Variants in NBEA observed in about 807,000 individuals in gnomAD.
NBEA encodes neurobeachin, also known as lysosomal-trafficking regulator 2.
A neutral mutation model predicts 343.4 loss-of-function variants in NBEA; 44 were observed. That is an observed-to-expected ratio of 0.13 (90% confidence interval 0.10 to 0.16). The LOEUF (loss-of-function observed/expected upper bound fraction) is 0.16. NBEA is among the 10% of genes least tolerant of loss of function. NBEA has a pLI of 1.00. For synonymous variants in NBEA, 1,175 were observed against 1,238.7 expected (o/e 0.95, Z 1.08); for missense variants, 2,555 against 3,631.3 (o/e 0.70, Z 7.62).
At chr13:35,182,707 A>G (rs541873561) in intron 29 of NBEA, among the ~76,000 whole-genome samples, 179 bp downstream of exon 29, 2 of 152,048 alleles carry the variant, frequency 1.3e-5, no homozygotes, top group East Asian at 1.9e-4. Flanking sequence ...TGGTATTTTT[A>G]TATAGTTGCT....
intron 38 of NBEA, among the ~76,000 whole-genome samples, chr13:35,396,601 A>G (rs1434933831): frequency 3.9e-5 from 6 of 152,204 alleles, no homozygotes; most frequent in African/African-American, 9.6e-5. Context: ...ACCTTGCGCC[A>G]TTGCTAGGGA....
intron 40 of NBEA, among the ~76,000 whole-genome samples, chr13:35,452,923 G>A (rs981651320): frequency 1.3e-5 from 2 of 152,112 alleles, no homozygotes; most frequent in African/African-American, 4.8e-5. Flanking sequence ...ATGTCATAGT[G>A]GTCACTGACC....
Position 35,159,149 on chromosome 13 carries a change from G to A in NBEA, c.2978G>A (p.Gly993Glu). Residue 993 changes from glycine (G) to glutamate (E), a missense_variant, in exon 22 of 59, where the codon GGA becomes GAA. Around this residue, in one of 21 missense-constraint regions of NBEA, gnomAD observed 367 missense variants for 377.5 expected, o/e 0.97. Transcript: ENST00000379939. ...TISGLSSQTT[G>E]AKGGMEIREI... ...TCTGGTCTTTCATCACAGACAACAG[G>A]AGCAAAAGGTGGAATGGAAATTCGA... is the stretch of plus-strand genomic sequence containing the variant. 1.2e-6 allele frequency: 2 copies of A among 1,613,500 alleles called. No individual in the cohort carries two copies. The highest frequency in any genetic ancestry group is 1.7e-6 in the Non-Finnish European group (2 of 1,179,602).
chr13:35,476,591 T>A (rs2075884037), intron 41 of NBEA: 1 of 536,266 alleles, frequency 1.9e-6, no homozygotes, highest in African/African-American at 1.9e-5. Context: ...TCATTGTGTG[T>A]GCAGCACTGT....
intron 38 of NBEA, among the ~76,000 whole-genome samples, chr13:35,403,027 AT>A (rs1475617161): frequency 5.3e-5 from 8 of 152,090 alleles, no homozygotes; most frequent in African/African-American, 1.9e-4. Context: ...GACATACATG[AT>A]TTTGTTAAAA....
At chr13:35,499,413 G>C (rs570041299) in intron 41 of NBEA, among the ~76,000 whole-genome samples, 47 of 152,184 alleles carry the variant, frequency 3.1e-4, no homozygotes, top group African/African-American at 1.1e-3. Flanking sequence ...TTGGCTTGGA[G>C]TCCGTGTTGA....
At chr13:35,636,597 C>G (rs144495422) in intron 49 of NBEA, among the ~76,000 whole-genome samples, 21 of 152,312 alleles carry the variant, frequency 1.4e-4, no homozygotes, top group African/African-American at 5.1e-4. Context: ...CGTTCCTGCT[C>G]CTACACCACC....
chr13:35,205,611 G>T (rs2073337784), intron 31 of NBEA, among the ~76,000 whole-genome samples: 1 of 151,916 alleles, frequency 6.6e-6, no homozygotes, highest in African/African-American at 2.4e-5. Context: ...GAAATATAGT[G>T]CCTAAAACTA....
At chr13:35,600,438 A>T (rs74042804) in intron 47 of NBEA, among the ~76,000 whole-genome samples, 289 of 152,258 alleles carry the variant, frequency 1.9e-3, no homozygotes, top group African/African-American at 6.8e-3. Context: ...ATAGCTATTC[A>T]TTGAAACACA....
At chr13:35,223,934 G>T (rs1036924001) in intron 33 of NBEA, among the ~76,000 whole-genome samples, 1 of 152,080 alleles carries the variant, frequency 6.6e-6, no homozygotes, top group African/African-American at 2.4e-5. Flanking sequence ...GGCTCACTCA[G>T]GTTATTAGCA....
chr13:35,488,823 T>G (rs551455532), intron 41 of NBEA, among the ~76,000 whole-genome samples: 1 of 151,934 alleles, frequency 6.6e-6, no homozygotes, highest in South Asian at 2.1e-4. Context: ...TATCACAGAG[T>G]GAACTGGTGA....
chr13:35,027,794 A>G (rs1263437480), intron 1 of NBEA, among the ~76,000 whole-genome samples: 4 of 151,932 alleles, frequency 2.6e-5, no homozygotes, highest in Admixed American at 6.6e-5. Flanking sequence ...GTTATCTTCT[A>G]AAAGTTTTAT....
intron 44 of NBEA, among the ~76,000 whole-genome samples, chr13:35,557,636 A>G (rs2079638541): frequency 6.6e-6 from 1 of 152,184 alleles, no homozygotes; most frequent in Non-Finnish European, 1.5e-5. Flanking sequence ...ATGACTAAAC[A>G]TGAAAGCCTG....
chr13:35,394,183 A>G (rs143246985), intron 38 of NBEA, among the ~76,000 whole-genome samples: 129 of 152,294 alleles, frequency 8.5e-4, no homozygotes, highest in Non-Finnish European at 1.6e-3. Context: ...GGATTAGCCT[A>G]TCTGCACCAC....
At chr13:35,435,812 A>G (rs1291935296) in intron 39 of NBEA, among the ~76,000 whole-genome samples, 5 of 152,192 alleles carry the variant, frequency 3.3e-5, no homozygotes, top group Non-Finnish European at 4.4e-5. Context: ...AATAAAAAGA[A>G]TCTCATATAC....
At chr13:35,028,337 C>T (rs1224386411) in intron 1 of NBEA, among the ~76,000 whole-genome samples, 2 of 151,770 alleles carry the variant, frequency 1.3e-5, no homozygotes, top group African/African-American at 2.4e-5. Flanking sequence ...TGATTTCTTT[C>T]ATCAGTGATT....
chr13:35,258,024 T>C (rs2032816564), intron 34 of NBEA, among the ~76,000 whole-genome samples: 1 of 152,118 alleles, frequency 6.6e-6, no homozygotes, highest in African/African-American at 2.4e-5. Context: ...TGTAATGAAC[T>C]TTACATATAA....
At chr13:35,149,347 A>C (rs954157939) in intron 18 of NBEA, among the ~76,000 whole-genome samples, 1 of 152,108 alleles carries the variant, frequency 6.6e-6, no homozygotes, top group African/African-American at 2.4e-5. Flanking sequence ...TAAATTCTTT[A>C]TGTACATTGT....
intron 33 of NBEA, among the ~76,000 whole-genome samples, chr13:35,227,868 A>G (rs1419468232): frequency 6.6e-6 from 1 of 152,044 alleles, no homozygotes; most frequent in Non-Finnish European, 1.5e-5. Context: ...ATATTTTTCT[A>G]GAATTCTAAA....
Sources: allele counts gnomAD v4.1 joint callset (sites outside exome capture counted in the v4.1 genomes callset), GRCh38; gene constraint gnomAD v4.1.1; regional missense constraint gnomAD v4.1.1; transcripts MANE v1.5; gene names NCBI Gene and HGNC (gene_info 2026-07-23, HGNC 2026-07-21).